Variants in USP34 observed in about 807,000 individuals in gnomAD.
USP34 encodes the protein ubiquitin specific peptidase 34.
In USP34, 70 loss-of-function variants were observed where a neutral mutation model predicts 460.3. The ratio of observed to expected loss-of-function variants is 0.15; its 90% CI spans 0.13 to 0.19. The LOEUF is 0.19. Ranked by LOEUF, USP34 falls within the 10% of genes least tolerant of loss-of-function variation. USP34 has a pLI of 1.00. For synonymous variants in USP34, 1,647 were observed against 1,405.3 expected, an observed-to-expected ratio of 1.17 and a Z score of -3.85; for missense variants, 3,985 against 4,236.2, an observed-to-expected ratio of 0.94 and a Z score of 1.65.
At chr2:61,220,176 A>T in intron 67 of USP34, 134 bp downstream of exon 67, 3 of 485,164 alleles carry the variant, frequency 6.2e-6, no homozygotes, top group African/African-American at 2.0e-5. Context: ...AAAAAAAAAA[A>T]AAAAAAGGAA....
chr2:61,449,526 C>CAA (rs1407419107), intron 1 of USP34, among the ~76,000 whole-genome samples: 24 of 141,530 alleles, frequency 1.7e-4, no homozygotes, highest in African/African-American at 6.3e-4. Context: ...AAAACAAAAA[C>CAA]AAAAAAAAAA....
intron 58 of USP34, 121 bp downstream of exon 58, chr2:61,232,331 G>A (rs1687930542): frequency 1.3e-6 from 1 of 797,446 alleles, no homozygotes; most frequent in African/African-American, 1.8e-5. Flanking sequence ...ATGATAGGAG[G>A]CAGATCTTTT....
chr2:61,414,796 T>C (rs1422021869), intron 2 of USP34, among the ~76,000 whole-genome samples: 1 of 152,208 alleles, frequency 6.6e-6, no homozygotes, highest in Non-Finnish European at 1.5e-5. Context: ...TCCTATTGGT[T>C]ACTTGGTATA....
At chr2:61,427,638 A>G (rs1310979029) in intron 1 of USP34, among the ~76,000 whole-genome samples, 3 of 152,362 alleles carry the variant, frequency 2.0e-5, no homozygotes, top group African/African-American at 4.8e-5. Flanking sequence ...AACAAAGATT[A>G]AAACATGTAA....
At chr2:61,366,845 C>T (rs986535715) in intron 10 of USP34, among the ~76,000 whole-genome samples, 2 of 152,044 alleles carry the variant, frequency 1.3e-5, no homozygotes, top group Admixed American at 6.6e-5. Flanking sequence ...CTCAGGAGTT[C>T]GAGACCAGTC....
Position 61,462,459 on chromosome 2 carries a change from G to A in USP34, c.43+8191C>T, listed in dbSNP as rs574499162. ...AGCTACTTGGGAAGCTGAGGCAGGA[G>A]AATTGCTTGAACCCAGGAAGAGGAG... On this transcript the variant is annotated intron_variant, in intron 1 of 79. Transcript: ENST00000398571. 5.5e-5 allele frequency among the ~76,000 whole-genome samples: 8 copies of A among 145,264 alleles called. No homozygotes were observed. The South Asian group carries it at 1.8e-3, about 32-fold the overall frequency.
At chr2:61,304,123 C>T (rs1020768243) in intron 27 of USP34, among the ~76,000 whole-genome samples, 1 of 152,084 alleles carries the variant, frequency 6.6e-6, no homozygotes, top group African/African-American at 2.4e-5. Flanking sequence ...GTCTCGACCT[C>T]CTGACCGCAA....
At chr2:61,359,487 T>C (rs1452713611) in intron 10 of USP34, among the ~76,000 whole-genome samples, 2 of 152,112 alleles carry the variant, frequency 1.3e-5, no homozygotes, top group Admixed American at 6.5e-5. Context: ...TAAAAACCCT[T>C]AGAAGGAAAA....
chr2:61,418,299 C>T (rs1255400750), intron 2 of USP34, among the ~76,000 whole-genome samples: 15 of 152,116 alleles, frequency 9.9e-5, no homozygotes. Flanking sequence ...AGGCTGGTCT[C>T]GAACTCCTGA....
intron 41 of USP34, among the ~76,000 whole-genome samples, chr2:61,269,137 T>A (rs1157305827): frequency 1.3e-5 from 2 of 152,032 alleles, no homozygotes; most frequent in South Asian, 2.1e-4. Flanking sequence ...TGAGGAGGAA[T>A]TAGGAAAAAA....
intron 1 of USP34, among the ~76,000 whole-genome samples, chr2:61,431,862 T>A (rs1217544695): frequency 2.0e-5 from 3 of 151,676 alleles, no homozygotes; most frequent in Non-Finnish European, 4.4e-5. Flanking sequence ...CTCAAAAAAA[T>A]AAATAAATAA....
At position 61,214,517 on chromosome 2, in the gene USP34, A is replaced by G. The variant is rs1687348326; in HGVS notation, c.8225T>C (p.Val2742Ala). The change falls in exon 68 of 80, where the codon GTT becomes GCT. Residue 2742 changes from valine (V) to alanine (A), a missense_variant. By Grantham distance (64) the Val-to-Ala change is moderately conservative. This residue lies in a region of USP34 where 604 missense variants were observed against 684.8 expected (regional missense o/e 0.88). Coordinates refer to ENST00000398571, the MANE Select transcript of USP34 (RefSeq NM_014709.4). ...LGLLSRAKLY[V>A]DAAVHGTTKL... Reference sequence around the variant, plus strand: ...TGTAGTGCCATGAACAGCAGCATCAACATAAAGTTTGGCTCTTGAGAGCAA... The same window carrying G: ...TGTAGTGCCATGAACAGCAGCATCAGCATAAAGTTTGGCTCTTGAGAGCAA... The G allele has an allele frequency of 6.2e-7, 1 of 1,613,644 alleles. No individual in the cohort carries two copies. The highest frequency in any genetic ancestry group is 8.5e-7 in the Non-Finnish European group (1 of 1,179,838).
In USP34 at chr2:61,348,111, A is replaced by G. The variant is rs1490315355; in HGVS notation, c.2044T>C (p.Leu682=). 1 of 1,614,186 alleles carries G rather than the reference A, an allele frequency of 6.2e-7. No homozygotes were observed. Among genetic ancestry groups the G allele is most frequent in the Non-Finnish European group, 8.5e-7 (1 of 1,180,020 alleles). The change falls in exon 15 of 80, where the codon TTG becomes CTG. Residue 682 remains leucine (L), a synonymous_variant. Transcript: ENST00000398571. ...CGCATTCGATTATCTACTGATGGCAATGATTCAGTGTTAAAAACCAGGTCC... is the reference window on the plus strand; with the variant it reads ...CGCATTCGATTATCTACTGATGGCAGTGATTCAGTGTTAAAAACCAGGTCC... The part of the protein sequence containing the change: ...GKDLVFNTES[L]PSVDNRMRML...
chr2:61,442,525 A>T (rs1320696940), intron 1 of USP34, among the ~76,000 whole-genome samples: 1 of 152,168 alleles, frequency 6.6e-6, no homozygotes, highest in Non-Finnish European at 1.5e-5. Context: ...AACATCACTA[A>T]CCATCAGGAA....
intron 4 of USP34, 76 bp from the exon 5 acceptor site, chr2:61,395,078 CT>C: frequency 6.8e-7 from 1 of 1,472,756 alleles, no homozygotes; most frequent in East Asian, 2.4e-5. Flanking sequence ...TGGAAAGATA[CT>C]GATGAGAAAC....
chr2:61,446,610 A>C (rs1027637306), intron 1 of USP34, among the ~76,000 whole-genome samples: 14 of 152,208 alleles, frequency 9.2e-5, no homozygotes, highest in Admixed American at 6.5e-4. Flanking sequence ...AGCCTGGCCA[A>C]CATGGTGAAG....
intron 3 of USP34, among the ~76,000 whole-genome samples, chr2:61,400,285 A>G (rs1479243015): frequency 6.6e-6 from 1 of 151,760 alleles, no homozygotes; most frequent in Non-Finnish European, 1.5e-5. Flanking sequence ...AATTTTTTCT[A>G]TTTTTAGTAG....
chr2:61,328,148 G>A (rs1024101082), intron 20 of USP34, among the ~76,000 whole-genome samples: 3 of 151,644 alleles, frequency 2.0e-5, no homozygotes, highest in African/African-American at 4.8e-5. Flanking sequence ...ACTAAAAAGC[G>A]AAAACGAGCC....
At chr2:61,221,829 C>G (rs1476846774) in intron 65 of USP34, 1 of 390,614 alleles carries the variant, frequency 2.6e-6, no homozygotes, top group East Asian at 4.1e-5. Context: ...TTCTGGATGT[C>G]AAGAGTATTT....
Sources: gnomAD v4.1 joint callset for allele counts (sites outside exome capture counted in the v4.1 genomes callset) on GRCh38, gnomAD v4.1.1 for gene constraint, gnomAD v4.1.1 regional missense constraint, MANE v1.5 for transcripts, NCBI Gene and HGNC (gene_info 2026-07-23, HGNC 2026-07-21) for gene names.